The following SEC24A variants were observed in gnomAD, a reference collection of about 807,000 sequenced individuals.
SEC24A encodes protein transport protein Sec24A.
In SEC24A, 93 loss-of-function variants were observed where a neutral mutation model predicts 129.4. The ratio of observed to expected loss-of-function variants is 0.72; its 90% CI spans 0.61 to 0.85. The LOEUF (loss-of-function observed/expected upper bound fraction) is 0.85. SEC24A is among the 40% of genes least tolerant of loss of function. The pLI, the probability that SEC24A is intolerant of heterozygous loss-of-function variation, is 0.00. For synonymous variants in SEC24A, 460 were observed against 467.3 expected, an observed-to-expected ratio of 0.98 and a Z score of 0.20; for missense variants, 1,264 against 1,307.4, an observed-to-expected ratio of 0.97 and a Z score of 0.51.
chr5:134,685,758 G>A (rs1320255783), intron 9 of SEC24A, among the ~76,000 whole-genome samples: 1 of 152,088 alleles, frequency 6.6e-6, no homozygotes, highest in Non-Finnish European at 1.5e-5. Flanking sequence ...CAGCGAAGGC[G>A]GGCGGATCAC....
At chr5:134,677,047 C>T (rs1751090086) in intron 7 of SEC24A, among the ~76,000 whole-genome samples, 1 of 152,098 alleles carries the variant, frequency 6.6e-6, no homozygotes, top group African/African-American at 2.4e-5. Context: ...CCTAGTCTCC[C>T]CGTTCTGCCA....
chr5:134,671,043 CT>C (rs1164195975), intron 3 of SEC24A, among the ~76,000 whole-genome samples: 1 of 151,752 alleles, frequency 6.6e-6, no homozygotes, highest in Non-Finnish European at 1.5e-5. Context: ...ATTTTACTTT[CT>C]TTTTTTGTTT....
chr5:134,657,746 A>T (rs2150069511), intron 1 of SEC24A, among the ~76,000 whole-genome samples: 1 of 151,998 alleles, frequency 6.6e-6, no homozygotes, highest in East Asian at 1.9e-4. Context: ...CTGGCTAATT[A>T]TTTATTTTTT....
At chr5:134,652,221 C>T (rs1455618230) in intron 1 of SEC24A, among the ~76,000 whole-genome samples, 2 of 151,670 alleles carry the variant, frequency 1.3e-5, no homozygotes, top group Non-Finnish European at 2.9e-5. Flanking sequence ...CGCGCCTGGC[C>T]GAAAAGTCTT....
Position 134,695,811 on chromosome 5 carries a change from G to A in SEC24A, c.1987-1315G>A, listed in dbSNP as rs1751804078. 2.0e-5 allele frequency among the ~76,000 whole-genome samples: 3 copies of A among 151,570 alleles called. No homozygotes were observed. In the South Asian group the frequency reaches 6.3e-4, roughly 32 times the overall value. On this transcript the variant is annotated intron_variant, in intron 13 of 22. Transcript: ENST00000398844. The stretch of plus-strand genomic sequence containing the variant: ...CAACAACAAAAAACAAAAATTAGCT[G>A]GGGGTGGCGGTGTGCACCTGTAGTC...
intron 5 of SEC24A, 101 bp from the exon 6 acceptor site, chr5:134,674,944 G>T: frequency 8.5e-7 from 1 of 1,174,092 alleles, no homozygotes; most frequent in Non-Finnish European, 1.2e-6. Flanking sequence ...CCAAAAGATT[G>T]GCCAAGAGAT....
At chr5:134,653,424 G>GT (rs1389708842) in intron 1 of SEC24A, among the ~76,000 whole-genome samples, 11 of 151,850 alleles carry the variant, frequency 7.2e-5, no homozygotes, top group East Asian at 1.9e-4. Flanking sequence ...TAACTAAACA[G>GT]TTTTTTTTAG....
At chr5:134,689,852 A>G (rs1192613606) in intron 11 of SEC24A, among the ~76,000 whole-genome samples, 3 of 152,164 alleles carry the variant, frequency 2.0e-5, no homozygotes, top group African/African-American at 7.2e-5. Context: ...AATGTGGATG[A>G]ACCTGGAAAA....
At chr5:134,662,087 T>G (rs1750485782) in intron 2 of SEC24A, among the ~76,000 whole-genome samples, 1 of 152,062 alleles carries the variant, frequency 6.6e-6, no homozygotes, top group South Asian at 2.1e-4. Context: ...CACCTCAGCC[T>G]CCCAAAGTGC....
intron 17 of SEC24A, 122 bp from the exon 18 acceptor site, chr5:134,708,591 G>C (rs977699865): frequency 3.5e-6 from 3 of 846,992 alleles, no homozygotes; most frequent in African/African-American, 1.7e-5. Context: ...TCTCATTTGT[G>C]TATGTAGTAA....
intron 3 of SEC24A, among the ~76,000 whole-genome samples, chr5:134,670,162 G>C (rs1750808631): frequency 6.6e-6 from 1 of 152,166 alleles, no homozygotes; most frequent in African/African-American, 2.4e-5. Context: ...CTGAGCTCAA[G>C]TGATCTGCCT....
intron 16 of SEC24A, among the ~76,000 whole-genome samples, chr5:134,705,088 A>T (rs866176250): frequency 0.029 from 3,791 of 129,102 alleles, 58 homozygotes; most frequent in South Asian, 0.04. Context: ...ATATATATAT[A>T]TATTTTTTTT....
At position 134,726,051 on chromosome 5, in the gene SEC24A, G is replaced by C. The variant is rs1752750972; in HGVS notation, c.*957G>C. The C allele has an allele frequency of 6.6e-6, 1 of 152,452 alleles. No individual in the cohort carries two copies. Among genetic ancestry groups the C allele is most frequent in the Non-Finnish European group, 1.5e-5 (1 of 67,940 alleles). 9.4% of individuals were successfully genotyped at this position (152,452 alleles called of 1,614,324 possible). ...AAGGAGTTTAATTGTTAAATTGGAA[G>C]TCATTCATAAGAAATATTTATGCTT... is the stretch of plus-strand genomic sequence containing the variant. On this transcript the variant is annotated 3_prime_UTR_variant, in exon 23 of 23. Transcript: ENST00000398844.
chr5:134,674,968 T>C, intron 5 of SEC24A, 77 bp from the exon 6 acceptor site: 1 of 1,297,736 alleles, frequency 7.7e-7, no homozygotes. Context: ...GATTACACTT[T>C]TGTTATTTAC....
intron 15 of SEC24A, among the ~76,000 whole-genome samples, chr5:134,701,960 T>C (rs1489395363): frequency 1.3e-5 from 2 of 152,144 alleles, no homozygotes; most frequent in East Asian, 3.8e-4. Flanking sequence ...AGATATAAAA[T>C]GAGAACTCAA....
intron 12 of SEC24A, chr5:134,693,457 G>C (rs1239363625): frequency 1.5e-6 from 2 of 1,377,116 alleles, no homozygotes; most frequent in Non-Finnish European, 1.9e-6. Context: ...AACTGTGATG[G>C]TTCTTTTGGA....
chr5:134,659,569 G>A (rs1750376279), intron 1 of SEC24A, among the ~76,000 whole-genome samples: 3 of 151,664 alleles, frequency 2.0e-5, no homozygotes, highest in South Asian at 4.2e-4. Flanking sequence ...CTCACAATAG[G>A]TCTATGATGG....
In SEC24A at chr5:134,699,425, A is replaced by G. The variant is rs965654468; in HGVS notation, c.2266+1368A>G. On this transcript the variant is annotated intron_variant, in intron 15 of 22. Transcript: ENST00000398844. ...GCCATTCTCCTGCCTCAGCCTCCCA[A>G]GTAGCTGGGACTACAGGCGCCTGCC... Among the ~76,000 whole-genome samples the G allele has an allele frequency of 2.6e-5, 4 of 151,722 alleles. No individual in the cohort carries two copies. In the East Asian group the frequency reaches 7.8e-4, roughly 30 times the overall value.
intron 2 of SEC24A, 110 bp from the exon 3 acceptor site, chr5:134,666,713 T>C (rs1229335149): frequency 1.2e-6 from 1 of 820,152 alleles, no homozygotes; most frequent in Non-Finnish European, 2.0e-6. Context: ...AACTCTTTGG[T>C]TATTATAATT....
Sources: gnomAD v4.1 joint callset for allele counts (sites outside exome capture counted in the v4.1 genomes callset) on GRCh38, gnomAD v4.1.1 for gene constraint, MANE v1.5 for transcripts, NCBI Gene and HGNC (gene_info 2026-07-23, HGNC 2026-07-21) for gene names.